Variants in TTC17 observed in about 807,000 individuals in gnomAD.
The protein encoded by TTC17 is tetratricopeptide repeat domain 17, also known as tetratricopeptide repeat protein 17.
TTC17 carries 58 observed loss-of-function variants against 143.8 expected under a neutral mutation model. The observed-to-expected ratio is 0.40, with a 90% CI of 0.33 to 0.50. The LOEUF (loss-of-function observed/expected upper bound fraction) is 0.50, where lower values mean the gene tolerates loss of function less well. TTC17 is among the 20% of genes least tolerant of loss of function. The pLI is 0.49. For synonymous variants in TTC17, 501 were observed against 497.8 expected, an observed-to-expected ratio of 1.01 and a Z score of -0.09; for missense variants, 1,273 against 1,392.5, an observed-to-expected ratio of 0.91 and a Z score of 1.37.
intron 19 of TTC17, 60 bp from the exon 20 acceptor site, chr11:43,450,022 C>T (rs1450823334): frequency 6.4e-7 from 1 of 1,558,138 alleles, no homozygotes; most frequent in Non-Finnish European, 8.7e-7. Flanking sequence ...TGCTGTCTCT[C>T]TTCTCTTCCC....
At chr11:43,486,447 A>T (rs1169559096) in intron 21 of TTC17, 1 of 453,316 alleles carries the variant, frequency 2.2e-6, no homozygotes, top group South Asian at 1.6e-5. Context: ...ATGTATCCCT[A>T]TCAGGTAGGA....
At chr11:43,475,042 A>T (rs1948159712) in intron 21 of TTC17, among the ~76,000 whole-genome samples, 1 of 152,066 alleles carries the variant, frequency 6.6e-6, no homozygotes, top group African/African-American at 2.4e-5. Context: ...GAGGCAGGAG[A>T]GGCAAGCACG....
At position 43,379,044 on chromosome 11, in the gene TTC17, C is replaced by G. The variant is rs1176376629; in HGVS notation, c.160-189C>G. The G allele has an allele frequency of 5.3e-6, 3 of 571,406 alleles. No individual in the cohort carries two copies. The African/African-American group carries it at 5.8e-5, about 11-fold the overall frequency. 35.4% of individuals were successfully genotyped at this position (571,406 alleles called of 1,614,324 possible). ...TTCCAAGTTGGAGTTCACAGGACAACTGTTGCACTTGTCATTCCCTTTGCT... is the reference window on the plus strand; with the variant it reads ...TTCCAAGTTGGAGTTCACAGGACAAGTGTTGCACTTGTCATTCCCTTTGCT... On this transcript the variant is annotated intron_variant, in intron 1 of 23. Coordinates refer to ENST00000039989, the MANE Select transcript of TTC17 (RefSeq NM_018259.6).
At chr11:43,436,293 T>C in intron 16 of TTC17, 2 of 1,332,436 alleles carry the variant, frequency 1.5e-6, no homozygotes, top group Non-Finnish European at 1.9e-6. Context: ...GTATTCTCTG[T>C]TGAGAATTCA....
chr11:43,415,181 T>G (rs114445787), intron 16 of TTC17, among the ~76,000 whole-genome samples: 54 of 152,292 alleles, frequency 3.5e-4, no homozygotes, highest in African/African-American at 1.2e-3. Context: ...GAAATACAGC[T>G]CCTTGTCTTT....
intron 1 of TTC17, among the ~76,000 whole-genome samples, chr11:43,369,329 A>G (rs1435595540): frequency 6.6e-6 from 1 of 152,196 alleles, no homozygotes; most frequent in African/African-American, 2.4e-5. Flanking sequence ...GCAACACTAT[A>G]GATGTTCAAA....
chr11:43,420,378 A>G lies in TTC17; in HGVS notation c.2251+5602A>G, dbSNP rs994239108. ...GTATAATCACTACACTTTTTATGTC[A>G]TCCCTCAAAAGAGATGCATTTCTAC... On this transcript the variant is annotated intron_variant, in intron 16 of 23. Transcript: ENST00000039989. 5.3e-4 allele frequency among the ~76,000 whole-genome samples: 80 copies of G among 152,342 alleles called. 1 individual carries two copies. The highest frequency in any genetic ancestry group is 3.4e-3 in the Middle Eastern group (1 of 294).
chr11:43,444,432 TCATAA>T, intron 18 of TTC17: 1 of 350,862 alleles, frequency 2.9e-6, no homozygotes, highest in Non-Finnish European at 5.0e-6. Flanking sequence ...GTGTAATAAA[TCATAA>T]AGGAAGAAAA....
At chr11:43,391,623 C>G in intron 4 of TTC17, 47 bp downstream of exon 4, 2 of 1,247,736 alleles carry the variant, frequency 1.6e-6, no homozygotes, top group Non-Finnish European at 2.2e-6. Context: ...TTGCGTTCTT[C>G]TTTCAGTTGG....
intron 21 of TTC17, among the ~76,000 whole-genome samples, chr11:43,465,666 T>C (rs1947957094): frequency 6.6e-6 from 1 of 152,146 alleles, no homozygotes; most frequent in Non-Finnish European, 1.5e-5. Context: ...TCCACACGGG[T>C]ACCAAGACCA....
intron 16 of TTC17, among the ~76,000 whole-genome samples, chr11:43,416,902 TTACCTAAAAACAGCTAATAGTC>T (rs1946791976): frequency 6.6e-6 from 1 of 152,196 alleles, no homozygotes; most frequent in African/African-American, 2.4e-5. Flanking sequence ...ATGTCATAGT[TTACCTAAAAACAGCTAATAGTC>T]TATTACTGCT....
At chr11:43,451,325 T>A (rs1038346758) in intron 21 of TTC17, 60 bp downstream of exon 21, 37 of 1,516,940 alleles carry the variant, frequency 2.4e-5, no homozygotes, top group Non-Finnish European at 3.2e-5. Context: ...CTTTTCTAAG[T>A]TATTTGCTCC....
intron 21 of TTC17, among the ~76,000 whole-genome samples, chr11:43,463,702 A>G (rs1443581192): frequency 2.0e-5 from 3 of 152,250 alleles, no homozygotes; most frequent in Admixed American, 6.5e-5. Context: ...CAGGCAAGCT[A>G]TTAATAATTG....
At chr11:43,397,605 G>T (rs1039496866) in intron 7 of TTC17, 114 bp downstream of exon 7, 2 of 1,210,052 alleles carry the variant, frequency 1.7e-6, no homozygotes, top group South Asian at 1.9e-5. Context: ...TGGTCTGAAC[G>T]ATGGAAATGA....
At chr11:43,470,874 A>G (rs1328455733) in intron 21 of TTC17, among the ~76,000 whole-genome samples, 2 of 152,206 alleles carry the variant, frequency 1.3e-5, no homozygotes, top group Non-Finnish European at 2.9e-5. Flanking sequence ...TGCCTTATTC[A>G]ATGGCAGTGA....
chr11:43,366,505 CAAAA>C (rs11284058), intron 1 of TTC17, among the ~76,000 whole-genome samples: 1 of 122,006 alleles, frequency 8.2e-6, no homozygotes, highest in Non-Finnish European at 1.8e-5. Flanking sequence ...GACTCTGCCT[CAAAA>C]AAAAAAAAAA....
In TTC17 at chr11:43,375,893, A is replaced by G. The variant is rs371804426; in HGVS notation, c.160-3340A>G. 2.6e-5 allele frequency among the ~76,000 whole-genome samples: 4 copies of G among 152,308 alleles called. No homozygotes were observed. The South Asian group carries it at 6.2e-4, about 24-fold the overall frequency. On this transcript the variant is annotated intron_variant, in intron 1 of 23. Transcript: ENST00000039989. ...CCCTCATATAGTGAGTGATATTTCC[A>G]TGTTACCATGTGAACTTACTGAATT... is the stretch of plus-strand genomic sequence containing the variant.
At chr11:43,386,520 C>T (rs369278368) in intron 2 of TTC17, among the ~76,000 whole-genome samples, 60 of 152,278 alleles carry the variant, frequency 3.9e-4, no homozygotes, top group African/African-American at 1.3e-3. Flanking sequence ...TTATGTGGTA[C>T]TTGACTGTAG....
At position 43,397,444 on chromosome 11, in the gene TTC17, G is replaced by A. The variant is rs969114850; in HGVS notation, c.871G>A (p.Asp291Asn). ...AAVVVHAALD[D>N]SDFFTSYYTL... ...TGTCGTGGTCCATGCAGCTCTGGATGACAGTGACTTCTTCACCAGCTATTA... is the reference window on the plus strand; with the variant it reads ...TGTCGTGGTCCATGCAGCTCTGGATAACAGTGACTTCTTCACCAGCTATTA... Residue 291 changes from aspartate (D) to asparagine (N), a missense_variant, in exon 7 of 24, where the codon GAC becomes AAC. Coordinates refer to ENST00000039989, the MANE Select transcript of TTC17 (RefSeq NM_018259.6). 4 of 1,613,168 alleles carry A rather than the reference G, an allele frequency of 2.5e-6. No homozygotes were observed. The Admixed American group carries it at 5.0e-5, about 20-fold the overall frequency.
Sources: gnomAD v4.1 joint callset for allele counts (sites outside exome capture counted in the v4.1 genomes callset) on GRCh38, gnomAD v4.1.1 for gene constraint, MANE v1.5 for transcripts, NCBI Gene and HGNC (gene_info 2026-07-23, HGNC 2026-07-21) for gene names.